KDM5A: variants seen among roughly 807,000 people sequenced by gnomAD.
KDM5A encodes the protein lysine demethylase 5A.
KDM5A carries 42 observed loss-of-function variants against 193.5 expected under a neutral mutation model. That is an observed-to-expected ratio of 0.22 (90% CI 0.17 to 0.28). The LOEUF is 0.28. KDM5A is among the 10% of genes least tolerant of loss of function. The probability of loss-of-function intolerance (pLI) is 1.00; values close to 1 mark genes in which losing one functional copy is unlikely to be tolerated. For synonymous variants in KDM5A, 796 were observed against 718.1 expected (o/e 1.11, Z -1.73); for missense variants, 1,692 against 2,055.1 (o/e 0.82, Z 3.42).
chr12:295,394 G>T (rs1480815352), intron 26 of KDM5A, among the ~76,000 whole-genome samples, 179 bp downstream of exon 26: 1 of 151,630 alleles, frequency 6.6e-6, no homozygotes, highest in Admixed American at 6.6e-5. Context: ...AAGGAGGGAG[G>T]GAGGCAGGGA....
chr12:337,249 C>T (rs1336590603), intron 10 of KDM5A, among the ~76,000 whole-genome samples: 1 of 152,198 alleles, frequency 6.6e-6, no homozygotes, highest in Non-Finnish European at 1.5e-5. Context: ...GCCTGTGGAA[C>T]CTGTACAGCC....
At chr12:353,541 G>C (rs1944189261) in intron 8 of KDM5A, among the ~76,000 whole-genome samples, 1 of 152,066 alleles carries the variant, frequency 6.6e-6, no homozygotes, top group Admixed American at 6.5e-5. Context: ...TAAACAGAAT[G>C]ACCTAACCAA....
At chr12:331,714 G>A in intron 13 of KDM5A, 105 bp downstream of exon 13, 1 of 1,277,152 alleles carries the variant, frequency 7.8e-7, no homozygotes, top group Non-Finnish European at 1.1e-6. Context: ...CTAAAATACT[G>A]ATGAACCCGA....
At position 369,800 on chromosome 12, in the gene KDM5A, C is replaced by T. The variant is rs1243608709; in HGVS notation, c.367-3696G>A. ...ACAGAAGCCCTCTTATCTTTACTATCCAATACAATAATCACTCTGACATAA... is the reference window on the plus strand; with the variant it reads ...ACAGAAGCCCTCTTATCTTTACTATTCAATACAATAATCACTCTGACATAA... On this transcript the variant is annotated intron_variant, in intron 3 of 27. Coordinates refer to ENST00000399788, the MANE Select transcript of KDM5A (RefSeq NM_001042603.3). Among the ~76,000 whole-genome samples, 4 of 152,224 alleles carry T rather than the reference C, an allele frequency of 2.6e-5. No homozygotes were observed. In the East Asian group the frequency reaches 7.7e-4, roughly 29 times the overall value.
intron 24 of KDM5A, among the ~76,000 whole-genome samples, chr12:302,284 T>C (rs947605443): frequency 1.3e-5 from 2 of 152,176 alleles, no homozygotes; most frequent in African/African-American, 4.8e-5. Context: ...ACTACAAGGC[T>C]ACAGTAACAA....
intron 10 of KDM5A, among the ~76,000 whole-genome samples, chr12:348,858 G>A (rs1944113207): frequency 6.6e-6 from 1 of 150,932 alleles, no homozygotes; most frequent in African/African-American, 2.4e-5. Context: ...GTATACCTAT[G>A]TATGAAACCT....
rs1206682786 is a variant in KDM5A at position 309,980 on chromosome 12, C to A, written c.3217-16G>T. ...GGCTCAGCACCTACAAAAATAAAAC[C>A]ACCATTATAAACTCTGGTTTTGAAA... On this transcript the variant is annotated splice_polypyrimidine_tract_variant and intron_variant, in intron 21 of 27. Coordinates refer to ENST00000399788, the MANE Select transcript of KDM5A (RefSeq NM_001042603.3). 1 of 1,611,372 alleles carries A rather than the reference C, an allele frequency of 6.2e-7. No individual in the cohort carries two copies. Among genetic ancestry groups the A allele is most frequent in the Non-Finnish European group, 8.5e-7 (1 of 1,179,164 alleles).
rs770089509 is a variant in KDM5A, at chr12:384,137, C to G, written c.260G>C (p.Arg87Thr). 1.3e-6 allele frequency: 2 copies of G among 1,594,720 alleles called. No individual in the cohort carries two copies. Among genetic ancestry groups the G allele is most frequent in the Non-Finnish European group, 1.7e-6 (2 of 1,162,436 alleles). Residue 87 changes from arginine to threonine, a missense_variant, in exon 3 of 28, where the codon AGA becomes ACA. Physicochemically the swap from Arg to Thr is moderately conservative, Grantham distance 71. This residue lies in a region of KDM5A where 120 missense variants were observed against 172.0 expected (regional missense o/e 0.70). Transcript: ENST00000399788. ...TGCTAGTTGATCCAAGAAATCCAAT[C>G]TCACTCTGGTCATTGCCTAAGATTA... ...LNELEAMTRV[R>T]LDFLDQLAKF...
chr12:351,008 A>C (rs1355105232), intron 9 of KDM5A, among the ~76,000 whole-genome samples: 1 of 152,206 alleles, frequency 6.6e-6, no homozygotes, highest in Non-Finnish European at 1.5e-5. Flanking sequence ...CTTTTCCGAA[A>C]GAAACTGTTT....
At chr12:334,990 A>G (rs1943910654) in intron 10 of KDM5A, among the ~76,000 whole-genome samples, 1 of 152,156 alleles carries the variant, frequency 6.6e-6, no homozygotes, top group Non-Finnish European at 1.5e-5. Context: ...TAACCATTAT[A>G]CAAACACACC....
intron 20 of KDM5A, 44 bp downstream of exon 20, chr12:312,984 TTAATAGTTTAAAAGATTAATCCATGAAA>T: frequency 7.0e-7 from 1 of 1,433,844 alleles, no homozygotes; most frequent in South Asian, 1.1e-5. Context: ...TTCTAAAGAA[TTAATAGTTTAAAAGATTAATCCATGAAA>T]CAGGCATTAC....
At chr12:291,094 T>C (rs915638414) in intron 27 of KDM5A, among the ~76,000 whole-genome samples, 2 of 152,064 alleles carry the variant, frequency 1.3e-5, no homozygotes, top group African/African-American at 2.4e-5. Context: ...AAAAATAATA[T>C]GCACATATAT....
At chr12:365,493 G>T (rs1241228893) in intron 4 of KDM5A, among the ~76,000 whole-genome samples, 2 of 152,194 alleles carry the variant, frequency 1.3e-5, no homozygotes, top group Non-Finnish European at 2.9e-5. Flanking sequence ...GCCTGTGTGT[G>T]GGGGTGGTAC....
chr12:354,237 G>T lies in KDM5A; in HGVS notation c.871-3C>A. 6.3e-7 allele frequency: 1 copy of T among 1,582,022 alleles called. No homozygotes were observed. The highest frequency in any genetic ancestry group is 8.6e-7 in the Non-Finnish European group (1 of 1,156,514). On this transcript the variant is annotated splice_region_variant and splice_polypyrimidine_tract_variant and intron_variant, in intron 7 of 27. Coordinates refer to ENST00000399788, the MANE Select transcript of KDM5A (RefSeq NM_001042603.3). Reference sequence around the variant, plus strand: ...AACATACAAACATAGAGATCAACCTGTTAAAAAAAAAATAAATGAAAGTCT... The same window carrying T: ...AACATACAAACATAGAGATCAACCTTTTAAAAAAAAAATAAATGAAAGTCT...
rs1216364727 is a variant in KDM5A, at chr12:284,631, T to A, written c.*825A>T. On this transcript the variant is annotated 3_prime_UTR_variant, in exon 28 of 28. Transcript: ENST00000399788. The stretch of plus-strand genomic sequence containing the variant: ...AGTACGACTGGTCATCATCGTCATC[T>A]TCTTCTCTTTTTTTTTTTGGCAGAA... The A allele has an allele frequency of 8.6e-6, 2 of 232,868 alleles. No homozygotes were observed. Among genetic ancestry groups the A allele is most frequent in the East Asian group, 1.2e-4 (2 of 16,564 alleles). The allele number at this position is 232,868 out of a possible 1,614,324, so 14.4% of individuals were successfully genotyped here. A position where few individuals can be genotyped will look rare whatever the true frequency, so the allele number is the denominator to read the frequency against.
intron 24 of KDM5A, among the ~76,000 whole-genome samples, chr12:298,485 A>G (rs1943401370): frequency 6.6e-6 from 1 of 152,252 alleles, no homozygotes; most frequent in Non-Finnish European, 1.5e-5. Context: ...ACTAACAAAC[A>G]GAAAGGAGTA....
Position 285,811 on chromosome 12 carries a change from G to A in KDM5A, c.4867-149C>T. 4.0e-6 allele frequency: 3 copies of A among 756,940 alleles called. No homozygotes were observed. The South Asian group carries it at 4.5e-5, about 11-fold the overall frequency. The allele number at this position is 756,940 out of a possible 1,614,324, so 46.9% of individuals were successfully genotyped here. On this transcript the variant is annotated intron_variant, in intron 27 of 27. Coordinates refer to ENST00000399788, the MANE Select transcript of KDM5A (RefSeq NM_001042603.3). The stretch of plus-strand genomic sequence containing the variant: ...ACTTCTTATGGGGTTATTTTTTAAA[G>A]AAAGAAGCTGAGAAGTTAATACCCC...
chr12:290,944 T>C (rs910549600), intron 27 of KDM5A, among the ~76,000 whole-genome samples: 3 of 152,142 alleles, frequency 2.0e-5, no homozygotes, highest in African/African-American at 7.2e-5. Context: ...GTCTTTAAAC[T>C]ACCATAAAAT....
chr12:331,777 G>A, intron 13 of KDM5A, 42 bp downstream of exon 13: 1 of 1,612,034 alleles, frequency 6.2e-7, no homozygotes, highest in Non-Finnish European at 8.5e-7. Context: ...TATTTATAGG[G>A]GGGTTAGTAG....
Sources: allele counts gnomAD v4.1 joint callset (sites outside exome capture counted in the v4.1 genomes callset), GRCh38; gene constraint gnomAD v4.1.1; regional missense constraint gnomAD v4.1.1; transcripts MANE v1.5; gene names NCBI Gene and HGNC (gene_info 2026-07-23, HGNC 2026-07-21).